BTBD9: variants seen among roughly 807,000 people sequenced by gnomAD.
The protein encoded by BTBD9 is BTB domain containing 9.
BTBD9 carries 49 observed loss-of-function variants against 64.3 expected under a neutral mutation model. The ratio of observed to expected loss-of-function variants is 0.76; its 90% CI spans 0.61 to 0.97. BTBD9 has a LOEUF of 0.97. Among genes scored for constraint, BTBD9 ranks in the 50% least tolerant of loss-of-function variants. BTBD9 has a pLI of 0.00. For missense variants in BTBD9, 598 were observed against 762.1 expected (o/e 0.78, Z 2.53); for synonymous variants, 260 against 274.7 (o/e 0.95, Z 0.53).
chr6:38,272,565 G>T (rs1051454243), intron 8 of BTBD9, among the ~76,000 whole-genome samples: 1 of 152,058 alleles, frequency 6.6e-6, no homozygotes. Context: ...TCAAATAGAT[G>T]CAACTAATCT....
intron 8 of BTBD9, among the ~76,000 whole-genome samples, chr6:38,258,017 A>G (rs34366378): frequency 0.34 from 51,029 of 151,570 alleles, 9,298 homozygotes; most frequent in Non-Finnish European, 0.41. Flanking sequence ...ATGGAGTCTC[A>G]CTCTGTCTCC....
intron 8 of BTBD9, among the ~76,000 whole-genome samples, chr6:38,259,929 C>G (rs1764732980): frequency 6.6e-6 from 1 of 152,204 alleles, no homozygotes; most frequent in Non-Finnish European, 1.5e-5. Flanking sequence ...CAAAATTCTA[C>G]TCTTAGATTA....
chr6:38,285,962 C>T (rs1761710926), intron 8 of BTBD9, among the ~76,000 whole-genome samples: 1 of 152,176 alleles, frequency 6.6e-6, no homozygotes, highest in African/African-American at 2.4e-5. Flanking sequence ...TCTAGAATAG[C>T]TTACTAAATA....
Position 38,338,991 on chromosome 6 carries a change from G to T in BTBD9, c.1264+5993C>A, listed in dbSNP as rs1191520425. Among the ~76,000 whole-genome samples the T allele has an allele frequency of 3.3e-5, 5 of 152,180 alleles. No homozygotes were observed. The East Asian group carries it at 9.6e-4, about 29-fold the overall frequency. ...CTGCTGGCAAGGCTGTGGGGAAACA[G>T]TCTTTATCATACAATACCAGGGAGA... On this transcript the variant is annotated intron_variant, in intron 7 of 10. Coordinates refer to ENST00000481247, the MANE Select transcript of BTBD9 (RefSeq NM_001099272.2).
intron 7 of BTBD9, among the ~76,000 whole-genome samples, chr6:38,332,080 T>A (rs1763696911): frequency 6.6e-6 from 1 of 152,218 alleles, no homozygotes; most frequent in Non-Finnish European, 1.5e-5. Flanking sequence ...TCTTTCTTTT[T>A]AAATAACTGC....
chr6:38,271,260 T>C (rs550263529), intron 8 of BTBD9, among the ~76,000 whole-genome samples: 2 of 152,302 alleles, frequency 1.3e-5, no homozygotes, highest in East Asian at 1.9e-4. Context: ...GGACTTCCTG[T>C]TGGCCCCTCC....
intron 7 of BTBD9, among the ~76,000 whole-genome samples, chr6:38,337,565 G>C (rs1763942166): frequency 6.6e-6 from 1 of 152,224 alleles, no homozygotes; most frequent in South Asian, 2.1e-4. Context: ...GATACGTTCA[G>C]TTCCTTTGCA....
At chr6:38,607,774 A>AT (rs1002291110) in intron 1 of BTBD9, among the ~76,000 whole-genome samples, 33 of 151,846 alleles carry the variant, frequency 2.2e-4, no homozygotes, top group African/African-American at 7.7e-4. Context: ...CAAGGCAAAA[A>AT]AAAAAAGGCT....
At position 38,585,938 on chromosome 6, in the gene BTBD9, C is replaced by CCACACACACACA. The variant is rs10660204; in HGVS notation, c.815-5513_815-5502dup. On this transcript the variant is annotated intron_variant, in intron 4 of 10. Coordinates refer to ENST00000481247, the MANE Select transcript of BTBD9 (RefSeq NM_001099272.2). The stretch of plus-strand genomic sequence containing the variant: ...ATAGGTACAGGGTAAACAGGACAGA[C>CCACACACACACA]CACACACACACACACACACACACAC... 3.1e-3 allele frequency among the ~76,000 whole-genome samples: 443 copies of CCACACACACACA among 140,858 alleles called. 4 individuals are homozygous for CCACACACACACA. Among genetic ancestry groups the CCACACACACACA allele is most frequent in the African/African-American group, 8.7e-3 (328 of 37,688 alleles). 92.4% of individuals were successfully genotyped at this position (140,858 alleles called of 152,430 possible).
intron 8 of BTBD9, among the ~76,000 whole-genome samples, chr6:38,275,337 A>T (rs1019673236): frequency 6.6e-6 from 1 of 152,096 alleles, no homozygotes; most frequent in Admixed American, 6.6e-5. Flanking sequence ...CACCTTATAC[A>T]AAAATTAATT....
intron 6 of BTBD9, among the ~76,000 whole-genome samples, chr6:38,374,297 G>GTGTGTGTATATATATATA: frequency 1.9e-5 from 1 of 53,696 alleles, no homozygotes; most frequent in East Asian, 5.9e-4. Flanking sequence ...ATATATATAT[G>GTGTGTGTATATATATATA]TATATATATG....
chr6:38,301,393 T>C (rs1762397382), intron 7 of BTBD9, among the ~76,000 whole-genome samples: 1 of 152,224 alleles, frequency 6.6e-6, no homozygotes, highest in Admixed American at 6.5e-5. Flanking sequence ...TTAGGGAGGA[T>C]TCCCTCTTTT....
chr6:38,560,115 T>C (rs1253417842), intron 6 of BTBD9, among the ~76,000 whole-genome samples: 1 of 152,094 alleles, frequency 6.6e-6, no homozygotes, highest in African/African-American at 2.4e-5. Flanking sequence ...CAAAAGAAAC[T>C]ATCAACAGAA....
intron 7 of BTBD9, among the ~76,000 whole-genome samples, chr6:38,344,664 G>A (rs73422867): frequency 0.035 from 5,314 of 152,116 alleles, 227 homozygotes; most frequent in African/African-American, 0.11. Context: ...CTTCAAACTC[G>A]CCTATCATTA....
rs78028821 is a variant in BTBD9, at chr6:38,559,022, G to A, written c.1154+18578C>T. Among the ~76,000 whole-genome samples the A allele has an allele frequency of 7.6e-3, 1,159 of 152,194 alleles. 14 individuals are homozygous for A. Among genetic ancestry groups the A allele is most frequent in the African/African-American group, 0.026 (1,081 of 41,522 alleles). On this transcript the variant is annotated intron_variant, in intron 6 of 10. Coordinates refer to ENST00000481247, the MANE Select transcript of BTBD9 (RefSeq NM_001099272.2). ...TTTGGCTGTGAATCCATCTGGTCCAGGGTTTTTTGTTTTTTGGGTCTTTTT... is the reference window on the plus strand; with the variant it reads ...TTTGGCTGTGAATCCATCTGGTCCAAGGTTTTTTGTTTTTTGGGTCTTTTT...
intron 6 of BTBD9, among the ~76,000 whole-genome samples, chr6:38,493,047 T>TA (rs1475916623): frequency 6.6e-6 from 1 of 152,178 alleles, no homozygotes; most frequent in Non-Finnish European, 1.5e-5. Flanking sequence ...TTTTTCAACT[T>TA]ACATACAAAA....
chr6:38,475,611 G>A (rs1465747766), intron 6 of BTBD9, among the ~76,000 whole-genome samples: 7 of 152,066 alleles, frequency 4.6e-5, no homozygotes, highest in East Asian at 1.9e-4. Flanking sequence ...ACAGCACCAC[G>A]CACAGCATCA....
chr6:38,409,355 A>G (rs1767308329), intron 6 of BTBD9, among the ~76,000 whole-genome samples: 1 of 152,362 alleles, frequency 6.6e-6, no homozygotes, highest in East Asian at 1.9e-4. Flanking sequence ...GAGATATTCT[A>G]TAAGGGCTTA....
chr6:38,401,287 A>T (rs1256503890), intron 6 of BTBD9, among the ~76,000 whole-genome samples: 1 of 152,138 alleles, frequency 6.6e-6, no homozygotes, highest in African/African-American at 2.4e-5. Flanking sequence ...ACCATGTAAA[A>T]TGTGCCTTGC....
Sources: allele counts gnomAD v4.1 joint callset (sites outside exome capture counted in the v4.1 genomes callset), GRCh38; gene constraint gnomAD v4.1.1; transcripts MANE v1.5; gene names NCBI Gene and HGNC (gene_info 2026-07-23, HGNC 2026-07-21).